The following IRF2 variants were observed in gnomAD, a reference collection of about 807,000 sequenced individuals.
IRF2 encodes interferon regulatory factor 2.
A neutral mutation model predicts 40.6 loss-of-function variants in IRF2; 15 were observed. The observed-to-expected ratio is 0.37, with a 90% CI of 0.25 to 0.57. The LOEUF (loss-of-function observed/expected upper bound fraction) is 0.57, where lower values mean the gene tolerates loss of function less well. Among genes scored for constraint, IRF2 ranks in the 20% least tolerant of loss-of-function variants. IRF2 has a pLI of 0.77. For missense variants in IRF2, 317 were observed against 455.7 expected, an observed-to-expected ratio of 0.70 and a Z score of 2.77; for synonymous variants, 151 against 165.5, an observed-to-expected ratio of 0.91 and a Z score of 0.67.
chr4:184,418,747 C>T (rs765821772), intron 3 of IRF2, 39 bp from the exon 4 acceptor site: 3 of 1,549,602 alleles, frequency 1.9e-6, no homozygotes, highest in South Asian at 2.3e-5. Flanking sequence ...AGAGAGAAAA[C>T]ATTAGATACA....
At chr4:184,425,148 T>C (rs954975540) in intron 2 of IRF2, among the ~76,000 whole-genome samples, 6 of 152,198 alleles carry the variant, frequency 3.9e-5, no homozygotes, top group Non-Finnish European at 1.5e-5. Context: ...CCATGGACAG[T>C]GTATTCTAAG....
At chr4:184,404,970 C>T (rs899378906) in intron 6 of IRF2, among the ~76,000 whole-genome samples, 6 of 152,174 alleles carry the variant, frequency 3.9e-5, no homozygotes, top group Non-Finnish European at 7.3e-5. Context: ...AGGCCAGGCG[C>T]GGTGGCTCAC....
intron 1 of IRF2, among the ~76,000 whole-genome samples, chr4:184,440,638 T>C (rs1252765735): frequency 1.3e-5 from 2 of 152,238 alleles, no homozygotes; most frequent in Non-Finnish European, 2.9e-5. Flanking sequence ...TCTGCAGATC[T>C]TTTTTGCTTT....
At chr4:184,464,175 A>C (rs1257558492) in intron 1 of IRF2, among the ~76,000 whole-genome samples, 1 of 152,146 alleles carries the variant, frequency 6.6e-6, no homozygotes, top group African/African-American at 2.4e-5. Context: ...ATAGGATAGG[A>C]AGATATGAAG....
intron 6 of IRF2, chr4:184,407,093 C>T (rs370413690): frequency 2.3e-5 from 18 of 789,346 alleles, no homozygotes; most frequent in Admixed American, 1.4e-4. Flanking sequence ...AGAGCACTGC[C>T]GAGACCAGTC....
At chr4:184,468,377 C>T (rs982165760) in intron 1 of IRF2, among the ~76,000 whole-genome samples, 1 of 152,064 alleles carries the variant, frequency 6.6e-6, no homozygotes. Flanking sequence ...ATCCCAGCTA[C>T]TCGGGAGGCT....
intron 7 of IRF2, 131 bp from the exon 8 acceptor site, chr4:184,390,880 T>C (rs1286948216): frequency 1.2e-5 from 10 of 862,112 alleles, no homozygotes; most frequent in Non-Finnish European, 7.6e-6. Flanking sequence ...AAGCGAAACA[T>C]TCTACATGGG....
intron 1 of IRF2, among the ~76,000 whole-genome samples, chr4:184,468,970 G>T (rs1739425889): frequency 6.6e-6 from 1 of 152,140 alleles, no homozygotes; most frequent in Non-Finnish European, 1.5e-5. Context: ...AGAACTAAAA[G>T]GCCACTCTAG....
chr4:184,463,714 T>G (rs1415227958), intron 1 of IRF2, among the ~76,000 whole-genome samples: 1 of 152,194 alleles, frequency 6.6e-6, no homozygotes, highest in African/African-American at 2.4e-5. Flanking sequence ...ATAATGGTCA[T>G]GCCCAATCCT....
At chr4:184,439,693 T>G (rs760406354) in intron 1 of IRF2, among the ~76,000 whole-genome samples, 1 of 152,270 alleles carries the variant, frequency 6.6e-6, no homozygotes, top group Non-Finnish European at 1.5e-5. Context: ...ACAATTTTCC[T>G]ATTAGGCACG....
chr4:184,387,984 T>A lies in IRF2; in HGVS notation c.*774A>T, dbSNP rs962991983. 2 of 152,668 alleles carry A rather than the reference T, an allele frequency of 1.3e-5. No homozygotes were observed. The highest frequency in any genetic ancestry group is 4.8e-5 in the African/African-American group (2 of 41,462). 9.5% of individuals were successfully genotyped at this position (152,668 alleles called of 1,614,324 possible). A position where few individuals can be genotyped will look rare whatever the true frequency, so the allele number is the denominator to read the frequency against. On this transcript the variant is annotated 3_prime_UTR_variant, in exon 9 of 9. Coordinates refer to ENST00000393593, the MANE Select transcript of IRF2 (RefSeq NM_002199.4). ...CCCCTGTATAAAAAATAAAAAAGCT[T>A]GCTCTGGTTAGAATTAGAGTATTTT...
Position 184,408,082 on chromosome 4 carries a change from A to G in IRF2, c.529+76T>C, listed in dbSNP as rs941565563. 14 of 794,694 alleles carry G rather than the reference A, an allele frequency of 1.8e-5. No individual in the cohort carries two copies. Among genetic ancestry groups the G allele is most frequent in the African/African-American group, 6.9e-5 (4 of 57,786 alleles). The allele number at this position is 794,694 out of a possible 1,614,324, so 49.2% of individuals were successfully genotyped here. ...TCCTCCCACTGACTATGTTATTTGA[A>G]GTTCTCTGTTTTACAAATTTTAGGC... is the stretch of plus-strand genomic sequence containing the variant. On this transcript the variant is annotated intron_variant, in intron 6 of 8. Coordinates refer to ENST00000393593, the MANE Select transcript of IRF2 (RefSeq NM_002199.4). This position sits in a 1 kb window ranked among gnomAD's most constrained non-coding sequence, Gnocchi z 4.9.
chr4:184,396,639 T>C (rs2149892327), intron 7 of IRF2, among the ~76,000 whole-genome samples: 1 of 152,012 alleles, frequency 6.6e-6, no homozygotes, highest in East Asian at 1.9e-4. Flanking sequence ...TCTCACTATG[T>C]TGCCCAGGCT....
chr4:184,443,264 G>C (rs575940888), intron 1 of IRF2, among the ~76,000 whole-genome samples: 1 of 152,248 alleles, frequency 6.6e-6, no homozygotes, highest in South Asian at 2.1e-4. Flanking sequence ...TTTGTTACAT[G>C]GGTATATTGC....
At chr4:184,439,426 T>C (rs1240784851) in intron 1 of IRF2, among the ~76,000 whole-genome samples, 1 of 151,974 alleles carries the variant, frequency 6.6e-6, no homozygotes, top group East Asian at 1.9e-4. Context: ...TAGAATAATT[T>C]TGATAAGCAA....
intron 1 of IRF2, among the ~76,000 whole-genome samples, chr4:184,457,964 C>G (rs941893869): frequency 6.6e-6 from 1 of 152,222 alleles, no homozygotes; most frequent in African/African-American, 2.4e-5. Context: ...GGCTCTGACA[C>G]TCCCTCCTTC....
intron 1 of IRF2, among the ~76,000 whole-genome samples, chr4:184,450,173 G>T (rs561317705): frequency 6.6e-6 from 1 of 152,332 alleles, no homozygotes; most frequent in Admixed American, 6.5e-5. Flanking sequence ...TATTTCTGCA[G>T]TGAAACACGA....
chr4:184,415,359 G>A (rs994705625), intron 5 of IRF2, among the ~76,000 whole-genome samples: 9 of 152,156 alleles, frequency 5.9e-5, no homozygotes, highest in Admixed American at 3.9e-4. Flanking sequence ...TGCACCTAAC[G>A]GGATCTCTCA....
chr4:184,447,130 C>T (rs531421452), intron 1 of IRF2, among the ~76,000 whole-genome samples: 2 of 152,112 alleles, frequency 1.3e-5, no homozygotes, highest in South Asian at 2.1e-4. Flanking sequence ...AATCAGGGCT[C>T]CTTGGAGAAA....
Sources: allele counts gnomAD v4.1 joint callset (sites outside exome capture counted in the v4.1 genomes callset), GRCh38; gene constraint gnomAD v4.1.1; non-coding constraint Gnocchi (gnomAD v3.1); transcripts MANE v1.5; gene names NCBI Gene and HGNC (gene_info 2026-07-23, HGNC 2026-07-21).